The following SBF2 variants were observed in gnomAD, a reference collection of about 807,000 sequenced individuals.
The protein encoded by SBF2 is myotubularin-related protein 13.
Under a neutral mutation model 225.2 loss-of-function variants are expected in SBF2, and 112 were observed. The ratio of observed to expected loss-of-function variants is 0.50; its 90% CI spans 0.43 to 0.58. The LOEUF is 0.58. SBF2 is among the 20% of genes least tolerant of loss of function. The probability of loss-of-function intolerance (pLI) is 0.00; values close to 1 mark genes in which losing one functional copy is unlikely to be tolerated. For synonymous variants in SBF2, 763 were observed against 773.3 expected (o/e 0.99, Z 0.22); for missense variants, 1,996 against 2,206.2 (o/e 0.90, Z 1.91).
chr11:9,983,983 C>T (rs976739557), intron 13 of SBF2, among the ~76,000 whole-genome samples: 8 of 152,146 alleles, frequency 5.3e-5, no homozygotes, highest in African/African-American at 1.9e-4. Context: ...AAGAAGGAAC[C>T]AGAAAACCAA....
chr11:9,944,431 C>G (rs1865450979), intron 16 of SBF2, among the ~76,000 whole-genome samples: 1 of 152,100 alleles, frequency 6.6e-6, no homozygotes, highest in African/African-American at 2.4e-5. Flanking sequence ...TACTAGAAAA[C>G]AATACCAAGT....
chr11:10,258,735 G>C (rs1250659044), intron 1 of SBF2, among the ~76,000 whole-genome samples: 1 of 152,188 alleles, frequency 6.6e-6, no homozygotes, highest in East Asian at 1.9e-4. Flanking sequence ...GGACAGAATA[G>C]GCACCAAAGG....
At chr11:9,996,791 A>G (rs536283641) in intron 9 of SBF2, among the ~76,000 whole-genome samples, 116 of 152,356 alleles carry the variant, frequency 7.6e-4, no homozygotes, top group African/African-American at 2.8e-3. Context: ...CATAATTATT[A>G]AAATAAAAAA....
chr11:10,279,666 T>C (rs2135556979), intron 1 of SBF2, among the ~76,000 whole-genome samples: 2 of 152,306 alleles, frequency 1.3e-5, no homozygotes, highest in South Asian at 4.1e-4. Flanking sequence ...GTGTTTGTTT[T>C]TGAGACAGAG....
At chr11:10,260,726 T>G (rs1262937055) in intron 1 of SBF2, among the ~76,000 whole-genome samples, 1 of 149,986 alleles carries the variant, frequency 6.7e-6, no homozygotes, top group South Asian at 2.1e-4. Flanking sequence ...AAAAAGATTT[T>G]AAAAATTAGA....
chr11:10,138,528 T>G (rs1954493428), intron 2 of SBF2, among the ~76,000 whole-genome samples: 1 of 129,848 alleles, frequency 7.7e-6, no homozygotes, highest in African/African-American at 2.9e-5. Context: ...TTTTCCTATT[T>G]TTTTTTTTTT....
chr11:10,120,785 A>G (rs536583675), intron 2 of SBF2, among the ~76,000 whole-genome samples: 1 of 152,128 alleles, frequency 6.6e-6, no homozygotes, highest in East Asian at 1.9e-4. Flanking sequence ...ACGCCCAGCT[A>G]ATTTTTGTAT....
At chr11:10,166,348 T>C (rs1955949060) in intron 2 of SBF2, among the ~76,000 whole-genome samples, 1 of 152,202 alleles carries the variant, frequency 6.6e-6, no homozygotes, top group African/African-American at 2.4e-5. Flanking sequence ...GGTCATACTC[T>C]ATTATAGAAA....
intron 2 of SBF2, among the ~76,000 whole-genome samples, chr11:10,047,245 G>A (rs182991668): frequency 6.6e-6 from 1 of 152,058 alleles, no homozygotes; most frequent in Non-Finnish European, 1.5e-5. Context: ...ATCCCAGCAA[G>A]TTATTTTATG....
chr11:9,923,347 C>A (rs1174125090), intron 16 of SBF2, among the ~76,000 whole-genome samples: 2 of 151,988 alleles, frequency 1.3e-5, no homozygotes, highest in East Asian at 1.9e-4. Flanking sequence ...ACAGACAAGG[C>A]GTGCTGAGTT....
chr11:9,919,518 C>T (rs1030578554), intron 16 of SBF2, among the ~76,000 whole-genome samples: 8 of 151,802 alleles, frequency 5.3e-5, no homozygotes, highest in African/African-American at 9.7e-5. Flanking sequence ...GGGTCGTGAT[C>T]GATTGAGCAA....
chr11:9,785,076 G>A (rs1852281956), intron 37 of SBF2, 49 bp downstream of exon 37: 6 of 1,540,362 alleles, frequency 3.9e-6, no homozygotes, highest in Admixed American at 1.7e-5. Flanking sequence ...TTTAGCCTCA[G>A]GTGCTGTGGG....
intron 2 of SBF2, among the ~76,000 whole-genome samples, chr11:10,116,676 A>G (rs1953159620): frequency 6.6e-6 from 1 of 151,700 alleles, no homozygotes; most frequent in Non-Finnish European, 1.5e-5. Context: ...TTCCTCCACA[A>G]TTCTCCATGA....
At chr11:10,221,359 C>A (rs1408920640) in intron 1 of SBF2, among the ~76,000 whole-genome samples, 1 of 152,062 alleles carries the variant, frequency 6.6e-6, no homozygotes, top group Non-Finnish European at 1.5e-5. Context: ...CTTAAGTGAT[C>A]TGCCCGCCTC....
intron 33 of SBF2, among the ~76,000 whole-genome samples, chr11:9,793,359 A>T (rs1292820492): frequency 6.6e-6 from 1 of 151,988 alleles, no homozygotes; most frequent in East Asian, 1.9e-4. Flanking sequence ...CAGACTTGGC[A>T]GCATAATGGG....
At chr11:10,129,981 G>C (rs774812457) in intron 2 of SBF2, among the ~76,000 whole-genome samples, 3 of 152,090 alleles carry the variant, frequency 2.0e-5, no homozygotes, top group South Asian at 2.1e-4. Flanking sequence ...CTGCACTCCA[G>C]CCTGGGTGAA....
At chr11:10,078,979 T>A (rs1951246277) in intron 2 of SBF2, among the ~76,000 whole-genome samples, 1 of 152,098 alleles carries the variant, frequency 6.6e-6, no homozygotes, top group Admixed American at 6.5e-5. Flanking sequence ...ACATAGTCTA[T>A]GCCACCAAAT....
intron 2 of SBF2, among the ~76,000 whole-genome samples, chr11:10,095,407 C>T (rs1263358510): frequency 1.3e-5 from 2 of 152,138 alleles, no homozygotes; most frequent in Non-Finnish European, 1.5e-5. Context: ...CACTTGCACA[C>T]AAACTTAAGA....
At chr11:9,797,904 C>T (rs577716000) in intron 32 of SBF2, among the ~76,000 whole-genome samples, 51 of 152,150 alleles carry the variant, frequency 3.4e-4, no homozygotes, top group Admixed American at 2.4e-3. Flanking sequence ...TCCAGGAGTT[C>T]GAAGCTGCAG....
Sources: gnomAD v4.1 joint callset for allele counts (sites outside exome capture counted in the v4.1 genomes callset) on GRCh38, gnomAD v4.1.1 for gene constraint, MANE v1.5 for transcripts, NCBI Gene and HGNC (gene_info 2026-07-23, HGNC 2026-07-21) for gene names.